Variants in SAMMSON observed in about 807,000 individuals in gnomAD.
SAMMSON encodes the protein survival associated mitochondrial melanoma specific oncogenic non-coding RNA, also known as long intergenic non-protein coding RNA 1212.
chr3:70,413,653 T>C (rs1002495923), intron 2 of SAMMSON, among the ~76,000 whole-genome samples: 5 of 152,162 alleles, frequency 3.3e-5, no homozygotes, highest in African/African-American at 1.2e-4. Flanking sequence ...CAAATACTTC[T>C]TACAAAACAT....
intron 4 of SAMMSON, among the ~76,000 whole-genome samples, chr3:70,237,652 C>T (rs1304812076): frequency 6.6e-6 from 1 of 152,178 alleles, no homozygotes; most frequent in African/African-American, 2.4e-5. Context: ...CATGTATTGC[C>T]TAAATAGGGA....
At chr3:70,379,449 G>A (rs1703046312) in intron 9 of SAMMSON, among the ~76,000 whole-genome samples, 1 of 152,150 alleles carries the variant, frequency 6.6e-6, no homozygotes, top group South Asian at 2.1e-4. Context: ...GTGAAGGCAG[G>A]AAAAGGAAGC....
At chr3:70,180,025 TGTGC>T (rs1559529123) in intron 4 of SAMMSON, among the ~76,000 whole-genome samples, 10 of 150,354 alleles carry the variant, frequency 6.7e-5, no homozygotes, top group Non-Finnish European at 1.2e-4. Context: ...TGTGTGTGTG[TGTGC>T]GCGCACGTGT....
intron 4 of SAMMSON, among the ~76,000 whole-genome samples, chr3:70,210,907 G>A (rs964543348): frequency 3.3e-5 from 5 of 152,048 alleles, no homozygotes; most frequent in African/African-American, 4.8e-5. Flanking sequence ...TTGAGCAAAT[G>A]TTATTAATTT....
At chr3:70,420,833 A>G (rs540518678) in intron 2 of SAMMSON, among the ~76,000 whole-genome samples, 1 of 152,334 alleles carries the variant, frequency 6.6e-6, no homozygotes, top group African/African-American at 2.4e-5. Context: ...GGTGTATGCC[A>G]GTGATGGAGA....
chr3:70,286,052 C>A (rs1288820607), intron 6 of SAMMSON, among the ~76,000 whole-genome samples: 1 of 152,070 alleles, frequency 6.6e-6, no homozygotes, highest in Non-Finnish European at 1.5e-5. Context: ...TGCAGAAGCT[C>A]TTTAGTTTAA....
At chr3:70,098,557 C>T (rs534831869) in intron 4 of SAMMSON, among the ~76,000 whole-genome samples, 12 of 151,944 alleles carry the variant, frequency 7.9e-5, no homozygotes, top group Non-Finnish European at 1.0e-4. Flanking sequence ...TTAGTAGAAA[C>T]GGGGTTTCAC....
intron 7 of SAMMSON, among the ~76,000 whole-genome samples, chr3:70,308,733 T>G (rs1702426346): frequency 6.6e-6 from 1 of 152,114 alleles, no homozygotes; most frequent in Non-Finnish European, 1.5e-5. Flanking sequence ...TTAATAACAC[T>G]GAATTGAGTT....
At chr3:70,292,970 G>A (rs988906868) in intron 7 of SAMMSON, among the ~76,000 whole-genome samples, 67 of 129,838 alleles carry the variant, frequency 5.2e-4, no homozygotes, top group African/African-American at 1.7e-3. Flanking sequence ...CAATTTAAAT[G>A]TTTCATCTTT....
chr3:70,363,116 G>A (rs1240145697), intron 9 of SAMMSON, among the ~76,000 whole-genome samples: 3 of 152,034 alleles, frequency 2.0e-5, no homozygotes, highest in African/African-American at 7.2e-5. Flanking sequence ...ACAGGGAAAT[G>A]AAAGCATATG....
At chr3:70,103,994 C>CTT (rs11357634) in intron 4 of SAMMSON, among the ~76,000 whole-genome samples, 16 of 138,722 alleles carry the variant, frequency 1.2e-4, no homozygotes, top group African/African-American at 2.9e-4. Context: ...TTCATTTAAG[C>CTT]TTTTTTTTTT....
At chr3:70,358,410 C>G (rs994827450) in intron 9 of SAMMSON, 3 of 152,122 alleles carry the variant, frequency 2.0e-5, no homozygotes, top group Admixed American at 1.3e-4. Context: ...TCCTGAAAAG[C>G]TGGCCATTTA....
intron 4 of SAMMSON, among the ~76,000 whole-genome samples, chr3:70,224,050 C>A (rs1363335703): frequency 6.6e-6 from 1 of 152,010 alleles, no homozygotes; most frequent in African/African-American, 2.4e-5. Flanking sequence ...GATCTCTATT[C>A]TTTATCACAG....
chr3:70,028,216 T>C lies in SAMMSON; in HGVS notation n.417+14544T>C, dbSNP rs188022737. Among the ~76,000 whole-genome samples, 784 of 151,856 alleles carry C rather than the reference T, an allele frequency of 5.2e-3. 5 individuals are homozygous for C. Among genetic ancestry groups the C allele is most frequent in the Middle Eastern group, 0.024 (7 of 294 alleles). On this transcript the variant is annotated intron_variant and non_coding_transcript_variant, in intron 3 of 9. Transcript: ENST00000642114. Reference sequence around the variant, plus strand: ...CTTTCTTTCTTTCTCTCTTTCTTTCTTTCTCTTTTTCTTTCTTGTCTTTCT... The same window carrying C: ...CTTTCTTTCTTTCTCTCTTTCTTTCCTTCTCTTTTTCTTTCTTGTCTTTCT...
chr3:70,426,869 C>T (rs540302264), intron 2 of SAMMSON, among the ~76,000 whole-genome samples: 4 of 152,328 alleles, frequency 2.6e-5, no homozygotes, highest in East Asian at 1.9e-4. Context: ...CATACAGAAG[C>T]GTGCTCAGTC....
intron 7 of SAMMSON, among the ~76,000 whole-genome samples, chr3:70,296,174 G>C (rs919469114): frequency 6.6e-6 from 1 of 152,032 alleles, no homozygotes; most frequent in African/African-American, 2.4e-5. Flanking sequence ...AACATAAAAC[G>C]AATGAGTCTT....
chr3:70,379,467 G>T (rs975267841), intron 9 of SAMMSON, among the ~76,000 whole-genome samples: 1 of 152,104 alleles, frequency 6.6e-6, no homozygotes, highest in Non-Finnish European at 1.5e-5. Flanking sequence ...AGCAGGATTG[G>T]GCAGAGGGAG....
At chr3:70,302,072 T>C (rs1054509316) in intron 7 of SAMMSON, among the ~76,000 whole-genome samples, 2 of 152,158 alleles carry the variant, frequency 1.3e-5, no homozygotes, top group African/African-American at 4.8e-5. Flanking sequence ...ACTATACTTC[T>C]ATGAGTTGTC....
intron 4 of SAMMSON, among the ~76,000 whole-genome samples, chr3:70,220,842 A>G (rs1227958703): frequency 6.6e-6 from 1 of 152,114 alleles, no homozygotes; most frequent in Non-Finnish European, 1.5e-5. Context: ...TTGTGCTTCC[A>G]TGACATTCAG....
Sources: gnomAD v4.1 joint callset for allele counts (sites outside exome capture counted in the v4.1 genomes callset) on GRCh38, gnomAD v4.1.1 for gene constraint, MANE v1.5 for transcripts, NCBI Gene and HGNC (gene_info 2026-07-23, HGNC 2026-07-21) for gene names.